The following JAK2 variants were observed in gnomAD, a reference collection of about 807,000 sequenced individuals.
The protein encoded by JAK2 is tyrosine-protein kinase JAK2.
Under a neutral mutation model 139.3 loss-of-function variants are expected in JAK2, and 86 were observed. The observed-to-expected ratio is 0.62, with a 90% CI of 0.52 to 0.74. JAK2 has a LOEUF of 0.74. JAK2 is among the 30% of genes least tolerant of loss of function. JAK2 has a pLI of 0.00. For missense variants in JAK2, 1,421 were observed against 1,360.3 expected (o/e 1.04, Z -0.70); for synonymous variants, 490 against 437.7 (o/e 1.12, Z -1.49).
Position 5,090,276 on chromosome 9 carries a change from T to C in JAK2, c.2762-170T>C, listed in dbSNP as rs535306657. Among the ~76,000 whole-genome samples, 4 of 152,342 alleles carry C rather than the reference T, an allele frequency of 2.6e-5. No homozygotes were observed. In the East Asian group the frequency reaches 7.7e-4, roughly 29 times the overall value. On this transcript the variant is annotated intron_variant, in intron 20 of 24. Coordinates refer to ENST00000381652, the MANE Select transcript of JAK2 (RefSeq NM_004972.4). ...AAAGCTTTTATTCATTCAAAAGTTT[T>C]TGATTCAAAAAGACTATGTTCTTAA...
intron 22 of JAK2, among the ~76,000 whole-genome samples, chr9:5,121,261 A>C (rs781544623): frequency 1.3e-5 from 2 of 152,202 alleles, no homozygotes; most frequent in East Asian, 3.8e-4. Context: ...AGAGATTTGC[A>C]AAGACAGAAG....
upstream of JAK2, chr9:4,984,425 A>C (rs1819827021): frequency 6.6e-6 from 1 of 152,274 alleles, no homozygotes; most frequent in African/African-American, 2.4e-5. Flanking sequence ...ACGCCGGTAA[A>C]GTTGTTTCTC....
At chr9:5,063,185 G>A (rs1818308673) in intron 8 of JAK2, among the ~76,000 whole-genome samples, 1 of 152,068 alleles carries the variant, frequency 6.6e-6, no homozygotes, top group Admixed American at 6.6e-5. Flanking sequence ...GAAATATGCT[G>A]TAATCACATT....
At chr9:5,031,270 A>G (rs1176129184) in intron 4 of JAK2, among the ~76,000 whole-genome samples, 1 of 152,234 alleles carries the variant, frequency 6.6e-6, no homozygotes, top group African/African-American at 2.4e-5. Context: ...CTTACCTGGC[A>G]ATTGTAAAAT....
At position 5,090,827 on chromosome 9, in the gene JAK2, T is replaced by G; in HGVS notation, c.2975T>G (p.Ile992Ser). 1 of 1,613,488 alleles carries G rather than the reference T, an allele frequency of 6.2e-7. No homozygotes were observed. The highest frequency in any genetic ancestry group is 8.5e-7 in the Non-Finnish European group (1 of 1,179,618). ...ILVENENRVK[I>S]GDFGLTKVLP... ...GTGGAGAACGAGAACAGAGTTAAAA[T>G]TGGAGATTTTGGGTTAACCAAAGTC... The change falls in exon 22 of 25, where the codon ATT (isoleucine) becomes AGT (serine). Residue 992 changes from isoleucine to serine, a missense_variant. Ile to Ser is a moderately radical substitution (Grantham distance 142). Transcript: ENST00000381652.
intron 8 of JAK2, among the ~76,000 whole-genome samples, chr9:5,064,567 A>G (rs1361913278): frequency 6.6e-6 from 1 of 152,106 alleles, no homozygotes; most frequent in African/African-American, 2.4e-5. Context: ...CATGATTTCT[A>G]ATGTCAACTT....
In JAK2 at chr9:5,112,166, C is replaced by G. The variant is rs148080333; in HGVS notation, c.3060-10838C>G. ...GCTAGCAACGTGCACACGCTGCTAC[C>G]CGGCCACCGGGCGCTGGCCTTGGGC... On this transcript the variant is annotated intron_variant, in intron 22 of 24. Coordinates refer to ENST00000381652, the MANE Select transcript of JAK2 (RefSeq NM_004972.4). 1,438 of 276,016 alleles carry G rather than the reference C, an allele frequency of 5.2e-3. 22 individuals are homozygous for G. Among genetic ancestry groups the G allele is most frequent in the African/African-American group, 0.029 (1,286 of 43,770 alleles). The allele number at this position is 276,016 out of a possible 1,614,324, so 17.1% of individuals were successfully genotyped here.
rs182800121 is a variant in JAK2 at position 5,128,184 on chromosome 9, T to G, written c.*1393T>G. The G allele has an allele frequency of 4.3e-6, 1 of 232,116 alleles. No individual in the cohort carries two copies. The highest frequency in any genetic ancestry group is 5.6e-5 in the Admixed American group (1 of 17,718). 14.4% of individuals were successfully genotyped at this position (232,116 alleles called of 1,614,324 possible). A position where few individuals can be genotyped will look rare whatever the true frequency, so the allele number is the denominator to read the frequency against. ...AAAAAGAAAATAGTTTCTTACTTTA[T>G]TTTTACTGGTATGTTCTACTTTTTT... On this transcript the variant is annotated 3_prime_UTR_variant, in exon 25 of 25. Coordinates refer to ENST00000381652, the MANE Select transcript of JAK2 (RefSeq NM_004972.4).
chr9:5,035,029 C>A (rs1156249004), intron 4 of JAK2, among the ~76,000 whole-genome samples: 1 of 151,992 alleles, frequency 6.6e-6, no homozygotes, highest in Non-Finnish European at 1.5e-5. Context: ...CAAATACATG[C>A]AATAAAAAAT....
At chr9:5,018,751 C>A (rs1157125310) in intron 2 of JAK2, among the ~76,000 whole-genome samples, 2 of 152,178 alleles carry the variant, frequency 1.3e-5, no homozygotes, top group African/African-American at 4.8e-5. Flanking sequence ...ACTATTTTTC[C>A]TTTGCTTAAT....
intron 3 of JAK2, among the ~76,000 whole-genome samples, chr9:5,022,491 C>G (rs1822494718): frequency 1.3e-5 from 2 of 152,078 alleles, no homozygotes; most frequent in African/African-American, 4.8e-5. Context: ...CTGTCATGGG[C>G]TATCTCATGA....
intron 22 of JAK2, among the ~76,000 whole-genome samples, chr9:5,117,046 C>T (rs1414720205): frequency 6.6e-6 from 1 of 152,190 alleles, no homozygotes; most frequent in African/African-American, 2.4e-5. Context: ...TTTGGCTCCT[C>T]TTGCCTTTCC....
chr9:5,073,229 TCA>T (rs1382562264), intron 13 of JAK2, among the ~76,000 whole-genome samples: 3 of 152,226 alleles, frequency 2.0e-5, no homozygotes, highest in African/African-American at 4.8e-5. Context: ...GGGGTTCTAG[TCA>T]CAGTTTAGTT....
chr9:4,998,890 G>C (rs1159933731), intron 2 of JAK2, among the ~76,000 whole-genome samples: 2 of 152,012 alleles, frequency 1.3e-5, no homozygotes, highest in Admixed American at 6.5e-5. Flanking sequence ...TAGTGCAGTG[G>C]TGCGATCTGC....
chr9:5,122,428 G>A (rs1163695736), intron 22 of JAK2, among the ~76,000 whole-genome samples: 2 of 151,916 alleles, frequency 1.3e-5, no homozygotes, highest in African/African-American at 4.8e-5. Context: ...TTTTTCTCCA[G>A]CATATTTATA....
chr9:5,068,972 G>C, intron 10 of JAK2, 50 bp from the exon 11 acceptor site: 1 of 1,018,488 alleles, frequency 9.8e-7, no homozygotes, highest in Non-Finnish European at 1.5e-6. Context: ...TAATCACTGT[G>C]ATGTCCATTG....
intron 3 of JAK2, among the ~76,000 whole-genome samples, chr9:5,026,187 T>C (rs1418724203): frequency 1.3e-5 from 2 of 152,232 alleles, no homozygotes; most frequent in African/African-American, 2.4e-5. Flanking sequence ...TTTTCTAATA[T>C]AAGCAGATAA....
At chr9:5,068,358 T>A (rs373470050) in intron 10 of JAK2, among the ~76,000 whole-genome samples, 2 of 152,144 alleles carry the variant, frequency 1.3e-5, no homozygotes, top group East Asian at 3.8e-4. Flanking sequence ...CTGCAAAATA[T>A]TAAAAATGTA....
chr9:5,036,531 A>G (rs569666272), intron 4 of JAK2, among the ~76,000 whole-genome samples: 1 of 152,364 alleles, frequency 6.6e-6, no homozygotes, highest in East Asian at 1.9e-4. Context: ...AAACAGAGAT[A>G]TAGACCAATG....
Sources: gnomAD v4.1 joint callset for allele counts (sites outside exome capture counted in the v4.1 genomes callset) on GRCh38, gnomAD v4.1.1 for gene constraint, MANE v1.5 for transcripts, NCBI Gene and HGNC (gene_info 2026-07-23, HGNC 2026-07-21) for gene names.